ARHGEF7: variants seen among roughly 807,000 people sequenced by gnomAD.
ARHGEF7 encodes the protein Rho guanine nucleotide exchange factor 7.
Under a neutral mutation model 109.8 loss-of-function variants are expected in ARHGEF7, and 33 were observed. The ratio of observed to expected loss-of-function variants is 0.30; its 90% CI spans 0.23 to 0.40. The LOEUF is 0.40. ARHGEF7 is among the 10% of genes least tolerant of loss of function. The pLI, the probability that ARHGEF7 is intolerant of heterozygous loss-of-function variation, is 1.00. For synonymous variants in ARHGEF7, 458 were observed against 424.6 expected, an observed-to-expected ratio of 1.08 and a Z score of -0.97; for missense variants, 938 against 1,098.5, an observed-to-expected ratio of 0.85 and a Z score of 2.07.
intron 19 of ARHGEF7, chr13:111,294,479 C>G: frequency 3.0e-6 from 3 of 985,392 alleles, no homozygotes; most frequent in Non-Finnish European, 3.6e-6. Flanking sequence ...AAAGTTTTGA[C>G]GGTTTACCAT....
chr13:111,220,191 C>T (rs567746404), intron 5 of ARHGEF7, among the ~76,000 whole-genome samples: 2 of 152,264 alleles, frequency 1.3e-5, no homozygotes, highest in East Asian at 1.9e-4. Context: ...CCTGAGGTGG[C>T]GCCAGTGGAC....
chr13:111,245,667 G>GACCC (rs1390379610), intron 8 of ARHGEF7, among the ~76,000 whole-genome samples: 5 of 152,110 alleles, frequency 3.3e-5, no homozygotes, highest in Admixed American at 3.3e-4. Context: ...AAAACTTCTT[G>GACCC]ACCCACCACT....
rs554235777 is a variant in ARHGEF7, at chr13:111,268,005, G to A, written c.1073+335G>A. ...TCAGTTCTTAAAACTGGAAGTACAT[G>A]AGTCCGAGTTACATCAGCTGTAACA... On this transcript the variant is annotated intron_variant, in intron 9 of 21. Transcript: ENST00000646102. 2.6e-5 allele frequency among the ~76,000 whole-genome samples: 4 copies of A among 152,316 alleles called. No homozygotes were observed. The South Asian group carries it at 8.3e-4, about 32-fold the overall frequency.
intron 2 of ARHGEF7, among the ~76,000 whole-genome samples, chr13:111,191,912 C>T (rs563011899): frequency 2.2e-4 from 33 of 152,106 alleles, no homozygotes; most frequent in Admixed American, 1.7e-3. Flanking sequence ...AGTATATAGC[C>T]CTATCACAAA....
intron 15 of ARHGEF7, among the ~76,000 whole-genome samples, chr13:111,281,910 A>C (rs1274612976): frequency 6.6e-6 from 1 of 152,218 alleles, no homozygotes; most frequent in African/African-American, 2.4e-5. Context: ...CTGTGATCCA[A>C]CTCTGACCAG....
At chr13:111,221,505 A>C (rs1202198303) in intron 5 of ARHGEF7, among the ~76,000 whole-genome samples, 1 of 74,676 alleles carries the variant, frequency 1.3e-5, no homozygotes, top group East Asian at 3.6e-4. Context: ...ATATATATCT[A>C]TATATATAGA....
At chr13:111,133,519 T>A (rs1460501124) in intron 1 of ARHGEF7, among the ~76,000 whole-genome samples, 1 of 151,790 alleles carries the variant, frequency 6.6e-6, no homozygotes, top group African/African-American at 2.4e-5. Context: ...CGAACTTTTG[T>A]CCATCACATA....
chr13:111,179,562 A>T (rs796791612), intron 2 of ARHGEF7, among the ~76,000 whole-genome samples: 5 of 152,294 alleles, frequency 3.3e-5, no homozygotes, highest in African/African-American at 1.2e-4. Flanking sequence ...GCTATATCCT[A>T]TAATGTTATC....
intron 2 of ARHGEF7, among the ~76,000 whole-genome samples, chr13:111,162,191 T>C (rs1332574863): frequency 1.3e-5 from 2 of 152,374 alleles, no homozygotes; most frequent in African/African-American, 4.8e-5. Flanking sequence ...GAATCTTTTA[T>C]ATATTTTCTT....
intron 8 of ARHGEF7, among the ~76,000 whole-genome samples, chr13:111,261,829 G>A (rs535662816): frequency 4.6e-5 from 7 of 152,178 alleles, no homozygotes; most frequent in Non-Finnish European, 8.8e-5. Flanking sequence ...TGGAAACTAT[G>A]CAGACACATG....
In ARHGEF7 at chr13:111,240,171, G is replaced by A. The variant is rs572879337; in HGVS notation, c.760-3701G>A. ...GCTGCAGAGGCCGGCTCTACCTGTC[G>A]CCATGCTGCTGTGCAGGTGCCATTG... On this transcript the variant is annotated intron_variant, in intron 6 of 21. Coordinates refer to ENST00000646102, the MANE Select transcript of ARHGEF7 (RefSeq NM_001354046.2). 6.6e-5 allele frequency among the ~76,000 whole-genome samples: 10 copies of A among 152,296 alleles called. No homozygotes were observed. The East Asian group carries it at 1.7e-3, about 26-fold the overall frequency.
chr13:111,277,358 C>G (rs1328837661), intron 12 of ARHGEF7, among the ~76,000 whole-genome samples: 1 of 152,186 alleles, frequency 6.6e-6, no homozygotes, highest in African/African-American at 2.4e-5. Flanking sequence ...AAGTCCTTCT[C>G]TTTACCTATA....
At chr13:111,212,122 A>G (rs1421145876) in intron 4 of ARHGEF7, among the ~76,000 whole-genome samples, 1 of 152,130 alleles carries the variant, frequency 6.6e-6, no homozygotes, top group Non-Finnish European at 1.5e-5. Context: ...TCATCTGTGA[A>G]ACCGTCAGCC....
chr13:111,268,471 C>T (rs984460569), intron 9 of ARHGEF7, among the ~76,000 whole-genome samples: 1 of 152,188 alleles, frequency 6.6e-6, no homozygotes, highest in African/African-American at 2.4e-5. Context: ...GTTTTAGTAG[C>T]ATAAAGATAA....
In ARHGEF7 at chr13:111,275,525, C is replaced by A; in HGVS notation, c.1273-7C>A. The A allele has an allele frequency of 6.2e-7, 1 of 1,613,708 alleles. No homozygotes were observed. Among genetic ancestry groups the A allele is most frequent in the South Asian group, 1.1e-5 (1 of 91,050 alleles). ...GTCTGTTAACAGTGTTGTTCTGTGTCTGTCAGGCCCAATGTCAAGAAGTCC... is the reference window on the plus strand; with the variant it reads ...GTCTGTTAACAGTGTTGTTCTGTGTATGTCAGGCCCAATGTCAAGAAGTCC... On this transcript the variant is annotated splice_polypyrimidine_tract_variant and splice_region_variant and intron_variant, in intron 11 of 21. Coordinates refer to ENST00000646102, the MANE Select transcript of ARHGEF7 (RefSeq NM_001354046.2).
intron 1 of ARHGEF7, among the ~76,000 whole-genome samples, chr13:111,138,439 C>G (rs540661004): frequency 6.6e-6 from 1 of 152,260 alleles, no homozygotes; most frequent in East Asian, 1.9e-4. Flanking sequence ...CGAGATCACA[C>G]CACTGCCCTC....
intron 6 of ARHGEF7, among the ~76,000 whole-genome samples, chr13:111,238,109 A>G (rs990292037): frequency 6.6e-6 from 1 of 151,820 alleles, no homozygotes; most frequent in Non-Finnish European, 1.5e-5. Context: ...GCCAGCCACT[A>G]CTCTTGCCTC....
chr13:111,299,641 T>C (rs116410907), intron 19 of ARHGEF7, among the ~76,000 whole-genome samples: 3,665 of 152,306 alleles, frequency 0.024, 149 homozygotes, highest in African/African-American at 0.085. Context: ...GGCACCCGGC[T>C]GAAGCCATTC....
Position 111,302,987 on chromosome 13 carries a change from A to C in ARHGEF7, c.2467-4A>C. 6.2e-7 allele frequency: 1 copy of C among 1,614,036 alleles called. No individual in the cohort carries two copies. Among genetic ancestry groups the C allele is most frequent in the Non-Finnish European group, 8.5e-7 (1 of 1,179,962 alleles). On this transcript the variant is annotated splice_polypyrimidine_tract_variant and splice_region_variant and intron_variant, in intron 21 of 21. Coordinates refer to ENST00000646102, the MANE Select transcript of ARHGEF7 (RefSeq NM_001354046.2). ...GAACACCCTGTGGTCTGCTTAATTT[A>C]CAGGACAACAAAAAGATGAAGAAAT...
Sources: gnomAD v4.1 joint callset for allele counts (sites outside exome capture counted in the v4.1 genomes callset) on GRCh38, gnomAD v4.1.1 for gene constraint, MANE v1.5 for transcripts, NCBI Gene and HGNC (gene_info 2026-07-23, HGNC 2026-07-21) for gene names.